Variants in GALNTL6 observed in about 807,000 individuals in gnomAD.
GALNTL6 encodes the protein polypeptide N-acetylgalactosaminyltransferase like 6.
In GALNTL6, 46 loss-of-function variants were observed where a neutral mutation model predicts 73.7. That is an observed-to-expected ratio of 0.62 (90% CI 0.49 to 0.80). GALNTL6 has a LOEUF of 0.80. Among genes scored for constraint, GALNTL6 ranks in the 30% least tolerant of loss-of-function variants. GALNTL6 has a pLI of 0.00. For synonymous variants in GALNTL6, 259 were observed against 263.7 expected (o/e 0.98, Z 0.17); for missense variants, 604 against 755.0 (o/e 0.80, Z 2.34).
chr4:172,931,031 C>T, intron 8 of GALNTL6, 130 bp from the exon 9 acceptor site: 2 of 651,540 alleles, frequency 3.1e-6, no homozygotes, highest in Non-Finnish European at 2.7e-6. Flanking sequence ...TCTGGTTAGC[C>T]ATTTATAATA....
chr4:172,374,887 G>A (rs1038476575), intron 5 of GALNTL6, among the ~76,000 whole-genome samples: 3 of 152,310 alleles, frequency 2.0e-5, no homozygotes, highest in East Asian at 3.9e-4. Context: ...GGATATCTAT[G>A]TACCTATCAG....
At chr4:172,080,108 A>G (rs966747785) in intron 2 of GALNTL6, among the ~76,000 whole-genome samples, 2 of 152,226 alleles carry the variant, frequency 1.3e-5, no homozygotes, top group Admixed American at 1.3e-4. Flanking sequence ...CAGTGCTAAC[A>G]TAATTTCTCA....
intron 2 of GALNTL6, among the ~76,000 whole-genome samples, chr4:172,158,899 A>T (rs1463957933): frequency 6.6e-6 from 1 of 152,242 alleles, no homozygotes; most frequent in Non-Finnish European, 1.5e-5. Flanking sequence ...AATGTACAGG[A>T]ATATGAATGA....
chr4:172,014,014 C>G (rs1741106719), intron 2 of GALNTL6, among the ~76,000 whole-genome samples: 1 of 152,050 alleles, frequency 6.6e-6, no homozygotes, highest in African/African-American at 2.4e-5. Flanking sequence ...ACATAATGAT[C>G]TCCAATTACA....
chr4:172,063,913 T>C (rs1271858495), intron 2 of GALNTL6, among the ~76,000 whole-genome samples: 1 of 152,236 alleles, frequency 6.6e-6, no homozygotes, highest in Non-Finnish European at 1.5e-5. Flanking sequence ...CATTCACATA[T>C]GAGCCGCAAT....
chr4:172,088,162 A>C (rs1732102055), intron 2 of GALNTL6, among the ~76,000 whole-genome samples: 2 of 152,178 alleles, frequency 1.3e-5, no homozygotes, highest in African/African-American at 4.8e-5. Flanking sequence ...CTTTTTCAAA[A>C]TCATGCTACA....
intron 4 of GALNTL6, among the ~76,000 whole-genome samples, chr4:172,331,562 A>C (rs1741127907): frequency 6.6e-6 from 1 of 152,198 alleles, no homozygotes; most frequent in South Asian, 2.1e-4. Flanking sequence ...ATCCACTGGC[A>C]ACCATTCTAC....
chr4:171,956,007 T>TGG (rs1420212957), intron 2 of GALNTL6, among the ~76,000 whole-genome samples: 84 of 116,822 alleles, frequency 7.2e-4, no homozygotes, highest in Middle Eastern at 5.2e-3. Flanking sequence ...TTTGTGTGTG[T>TGG]GTGTGTGGGA....
At chr4:172,369,505 G>T (rs981369672) in intron 5 of GALNTL6, among the ~76,000 whole-genome samples, 1 of 152,210 alleles carries the variant, frequency 6.6e-6, no homozygotes, top group Non-Finnish European at 1.5e-5. Flanking sequence ...CGATGGGAGT[G>T]GGCGCCGCGG....
At chr4:172,547,291 A>C (rs1735808374) in intron 5 of GALNTL6, among the ~76,000 whole-genome samples, 1 of 152,088 alleles carries the variant, frequency 6.6e-6, no homozygotes, top group Non-Finnish European at 1.5e-5. Context: ...ATATTGATAG[A>C]ATTGGTTTCA....
At chr4:172,195,781 C>G (rs1344506802) in intron 2 of GALNTL6, among the ~76,000 whole-genome samples, 1 of 152,042 alleles carries the variant, frequency 6.6e-6, no homozygotes. Flanking sequence ...TGAGATGCAG[C>G]TAAAGCAGTG....
chr4:172,151,281 A>G (rs1415281864), intron 2 of GALNTL6, among the ~76,000 whole-genome samples: 4 of 152,228 alleles, frequency 2.6e-5, no homozygotes, highest in Non-Finnish European at 5.9e-5. Flanking sequence ...TCAGTAAAGA[A>G]AAGCAAAATA....
chr4:172,625,341 G>A (rs1739124251), intron 5 of GALNTL6, among the ~76,000 whole-genome samples: 1 of 151,966 alleles, frequency 6.6e-6, no homozygotes, highest in Non-Finnish European at 1.5e-5. Context: ...CCCTTGAGCT[G>A]CATCCAGGTC....
intron 5 of GALNTL6, among the ~76,000 whole-genome samples, chr4:172,781,940 T>C (rs1165672280): frequency 6.6e-6 from 1 of 151,162 alleles, no homozygotes; most frequent in African/African-American, 2.4e-5. Flanking sequence ...TATTTAAAAA[T>C]ATATAAGTAT....
chr4:171,908,286 A>T lies in GALNTL6; in HGVS notation c.138+93568A>T, dbSNP rs1387490971. ...ATATCCAGAATCTATAATGAACTCA[A>T]ACAAATTTACAAGAAAAAAAACAAA... On this transcript the variant is annotated intron_variant, in intron 2 of 12. Coordinates refer to ENST00000506823, the MANE Select transcript of GALNTL6 (RefSeq NM_001034845.3). Among the ~76,000 whole-genome samples, 3 of 151,690 alleles carry T rather than the reference A, an allele frequency of 2.0e-5. No individual in the cohort carries two copies. In the East Asian group the frequency reaches 5.8e-4, roughly 29 times the overall value.
In GALNTL6 at chr4:171,814,421, T is replaced by G. The variant is rs1734465639; in HGVS notation, c.-160T>G. 5 of 675,588 alleles carry G rather than the reference T, an allele frequency of 7.4e-6. No individual in the cohort carries two copies. The East Asian group carries it at 1.1e-4, about 15-fold the overall frequency. The allele number at this position is 675,588 out of a possible 1,614,324, so 41.8% of individuals were successfully genotyped here. A position where few individuals can be genotyped will look rare whatever the true frequency, so the allele number is the denominator to read the frequency against. On this transcript the variant is annotated 5_prime_UTR_variant, in exon 2 of 13. Coordinates refer to ENST00000506823, the MANE Select transcript of GALNTL6 (RefSeq NM_001034845.3). The stretch of plus-strand genomic sequence containing the variant: ...TGCGTTTGTTCTGCAGATGGCCAAC[T>G]CCCTCTGAATCCTGCAGATTGGTGC...
At chr4:171,881,805 A>G (rs1368664228) in intron 2 of GALNTL6, among the ~76,000 whole-genome samples, 4 of 152,200 alleles carry the variant, frequency 2.6e-5, no homozygotes, top group African/African-American at 4.8e-5. Flanking sequence ...AAAAACCTTC[A>G]TGGTTTCACC....
rs181603429 is a variant in GALNTL6 at position 172,966,487 on chromosome 4, C to T, written c.1371+14229C>T. ...TCGGCTTACTGCAACCTCTGCCTCC[C>T]GAGTTCAAGCGACTCTCCTGCCTCA... On this transcript the variant is annotated intron_variant, in intron 10 of 12. Coordinates refer to ENST00000506823, the MANE Select transcript of GALNTL6 (RefSeq NM_001034845.3). Among the ~76,000 whole-genome samples the T allele has an allele frequency of 4.3e-3, 648 of 152,106 alleles. 3 individuals are homozygous for T. Among genetic ancestry groups the T allele is most frequent in the African/African-American group, 0.013 (560 of 41,498 alleles).
rs569658847 is a variant in GALNTL6 at position 172,753,773 on chromosome 4, A to C, written c.554-55588A>C. Among the ~76,000 whole-genome samples, 351 of 152,298 alleles carry C rather than the reference A, an allele frequency of 2.3e-3. 6 individuals carry two copies. Among genetic ancestry groups the C allele is most frequent in the Non-Finnish European group, 1.6e-3 (109 of 68,024 alleles). On this transcript the variant is annotated intron_variant, in intron 5 of 12. Coordinates refer to ENST00000506823, the MANE Select transcript of GALNTL6 (RefSeq NM_001034845.3). ...TTGCTAGGCAGTTTAGTGTCTGGAG[A>C]AGCTAAGCAAAATATTGTAAGATTT...
Sources: allele counts gnomAD v4.1 joint callset (sites outside exome capture counted in the v4.1 genomes callset), GRCh38; gene constraint gnomAD v4.1.1; transcripts MANE v1.5; gene names NCBI Gene and HGNC (gene_info 2026-07-23, HGNC 2026-07-21).